The following CCDC85C variants were observed in gnomAD, a reference collection of about 807,000 sequenced individuals.
CCDC85C encodes coiled-coil domain-containing protein 85C.
A neutral mutation model predicts 38.3 loss-of-function variants in CCDC85C; 18 were observed. The observed-to-expected ratio is 0.47, with a 90% CI of 0.33 to 0.70. The LOEUF (loss-of-function observed/expected upper bound fraction) is 0.70, where lower values mean the gene tolerates loss of function less well. Ranked by LOEUF, CCDC85C falls within the 30% of genes least tolerant of loss-of-function variation. The pLI, the probability that CCDC85C is intolerant of heterozygous loss-of-function variation, is 0.03. For missense variants in CCDC85C, 566 were observed against 621.2 expected (o/e 0.91, Z 0.94); for synonymous variants, 264 against 293.8 (o/e 0.90, Z 1.04).
At chr14:99,594,418 C>G (rs915663520) in intron 1 of CCDC85C, among the ~76,000 whole-genome samples, 5 of 152,346 alleles carry the variant, frequency 3.3e-5, no homozygotes, top group Non-Finnish European at 2.9e-5. Context: ...CAGCCTCAAA[C>G]AGCGTTTAGA....
intron 2 of CCDC85C, among the ~76,000 whole-genome samples, chr14:99,523,616 G>T (rs1897331637): frequency 6.6e-6 from 1 of 152,226 alleles, no homozygotes; most frequent in Non-Finnish European, 1.5e-5. Context: ...GGGCAGCCGG[G>T]CACTGGAGGC....
intron 1 of CCDC85C, among the ~76,000 whole-genome samples, chr14:99,591,118 G>C (rs574458591): frequency 1.3e-5 from 2 of 152,350 alleles, no homozygotes; most frequent in African/African-American, 4.8e-5. Context: ...CTGGGAGGGA[G>C]GGGGTGCCTC....
Position 99,502,551 on chromosome 14 carries a change from GGTAAACTA to G in CCDC85C, c.*12687_*12694del. On this transcript the variant is annotated 3_prime_UTR_variant, in exon 6 of 6. Coordinates refer to ENST00000380243, the MANE Select transcript of CCDC85C (RefSeq NM_001144995.2). ...CCACTTTGTCCAAACACATACTTTT[GGTAAACTA>G]AAAATACACACCAGTGTTGCACACA... is the stretch of plus-strand genomic sequence containing the variant. 7.8e-7 allele frequency: 1 copy of G among 1,273,994 alleles called. No individual in the cohort carries two copies. Among genetic ancestry groups the G allele is most frequent in the Non-Finnish European group, 1.1e-6 (1 of 937,126 alleles). The allele number at this position is 1,273,994 out of a possible 1,614,324, so 78.9% of individuals were successfully genotyped here. A position where few individuals can be genotyped will look rare whatever the true frequency, so the allele number is the denominator to read the frequency against.
chr14:99,520,073 G>A lies in CCDC85C; in HGVS notation c.975+2060C>T, dbSNP rs1052703576. 1.3e-5 allele frequency among the ~76,000 whole-genome samples: 2 copies of A among 152,194 alleles called. No individual in the cohort carries two copies. The highest frequency in any genetic ancestry group is 3.8e-4 in the East Asian group (2 of 5,196). On this transcript the variant is annotated intron_variant, in intron 3 of 5. Transcript: ENST00000380243. This position sits in a 1 kb window ranked among gnomAD's most constrained non-coding sequence, Gnocchi z 4.1. Reference sequence around the variant, plus strand: ...CCTGCCCTGACAGCCAGTGGATGGAGGGTATGGGCAGCAGTGGGCAGGGAG... The same window carrying A: ...CCTGCCCTGACAGCCAGTGGATGGAAGGTATGGGCAGCAGTGGGCAGGGAG...
chr14:99,510,013 G>T lies in CCDC85C; in HGVS notation c.*5233C>A. The T allele has an allele frequency of 1.3e-6, 1 of 754,910 alleles. No homozygotes were observed. 46.8% of individuals were successfully genotyped at this position (754,910 alleles called of 1,614,324 possible). ...GACATCTGGTGGCATCAGGACATGG[G>T]GCATGGGCCCATGCGTTGGGCCACA... On this transcript the variant is annotated 3_prime_UTR_variant, in exon 6 of 6. Coordinates refer to ENST00000380243, the MANE Select transcript of CCDC85C (RefSeq NM_001144995.2).
Position 99,576,281 on chromosome 14 carries a change from C to T in CCDC85C, c.793+26886G>A, listed in dbSNP as rs1242231934. On this transcript the variant is annotated intron_variant, in intron 1 of 5. Coordinates refer to ENST00000380243, the MANE Select transcript of CCDC85C (RefSeq NM_001144995.2). This position sits in a 1 kb window ranked among gnomAD's most constrained non-coding sequence, Gnocchi z 4.8. The stretch of plus-strand genomic sequence containing the variant: ...GCCTCCCGAAGCCCACCCTCTGACC[C>T]CATCTAAAATCCAGGGCCAGGGCCC... Among the ~76,000 whole-genome samples, 2 of 152,228 alleles carry T rather than the reference C, an allele frequency of 1.3e-5. No homozygotes were observed. Among genetic ancestry groups the T allele is most frequent in the Non-Finnish European group, 2.9e-5 (2 of 68,038 alleles).
At position 99,544,630 on chromosome 14, in the gene CCDC85C, G is replaced by A. The variant is rs549407490; in HGVS notation, c.794-8542C>T. Among the ~76,000 whole-genome samples the A allele has an allele frequency of 3.3e-5, 5 of 152,194 alleles. No homozygotes were observed. Among genetic ancestry groups the A allele is most frequent in the South Asian group, 2.1e-4 (1 of 4,812 alleles). On this transcript the variant is annotated intron_variant, in intron 1 of 5. Transcript: ENST00000380243. The surrounding 1 kb of genome is among the most constrained non-coding windows in gnomAD (Gnocchi z 5.3). Reference sequence around the variant, plus strand: ...CTCTCCCAGAGCAGAAATTCTCTTCGTGACGCAAGGTGACTTTCAGGGCCC... The same window carrying A: ...CTCTCCCAGAGCAGAAATTCTCTTCATGACGCAAGGTGACTTTCAGGGCCC...
rs544443235 is a variant in CCDC85C, at chr14:99,576,928, T to A, written c.793+26239A>T. Among the ~76,000 whole-genome samples, 1 of 151,948 alleles carries A rather than the reference T, an allele frequency of 6.6e-6. No homozygotes were observed. The highest frequency in any genetic ancestry group is 2.4e-5 in the African/African-American group (1 of 41,376). ...CACAGCTCCTACCCACACCCACTGC[T>A]GAGCTCTCCCTCGCCCCCAGGCTGC... On this transcript the variant is annotated intron_variant, in intron 1 of 5. Coordinates refer to ENST00000380243, the MANE Select transcript of CCDC85C (RefSeq NM_001144995.2). The surrounding 1 kb of genome is among the most constrained non-coding windows in gnomAD (Gnocchi z 4.8).
chr14:99,507,255 A>G lies in CCDC85C; in HGVS notation c.*7991T>C. 2 of 772,250 alleles carry G rather than the reference A, an allele frequency of 2.6e-6. No homozygotes were observed. The highest frequency in any genetic ancestry group is 1.8e-5 in the Admixed American group (1 of 55,864). 47.8% of individuals were successfully genotyped at this position (772,250 alleles called of 1,614,324 possible). A position where few individuals can be genotyped will look rare whatever the true frequency, so the allele number is the denominator to read the frequency against. Reference sequence around the variant, plus strand: ...AGGGAGACTGGGGCCCAGATTGACAATGTCAGCCACAGGCAGGAATCTTTG... The same window carrying G: ...AGGGAGACTGGGGCCCAGATTGACAGTGTCAGCCACAGGCAGGAATCTTTG... On this transcript the variant is annotated 3_prime_UTR_variant, in exon 6 of 6. Transcript: ENST00000380243.
At chr14:99,518,152 C>A (rs986282554) in intron 3 of CCDC85C, among the ~76,000 whole-genome samples, 1 of 152,188 alleles carries the variant, frequency 6.6e-6, no homozygotes, top group Non-Finnish European at 1.5e-5. Flanking sequence ...CCACCCAGGC[C>A]TGCATCATGG....
intron 1 of CCDC85C, among the ~76,000 whole-genome samples, chr14:99,582,590 T>C (rs1480369070): frequency 1.3e-5 from 2 of 151,878 alleles, no homozygotes; most frequent in Admixed American, 1.3e-4. Flanking sequence ...CCAAGCCAGG[T>C]GGATCACCTG....
chr14:99,502,681 C>G lies in CCDC85C; in HGVS notation c.*12565G>C. 1 of 1,587,922 alleles carries G rather than the reference C, an allele frequency of 6.3e-7. No individual in the cohort carries two copies. On this transcript the variant is annotated 3_prime_UTR_variant, in exon 6 of 6. Coordinates refer to ENST00000380243, the MANE Select transcript of CCDC85C (RefSeq NM_001144995.2). The stretch of plus-strand genomic sequence containing the variant: ...TCCAGGTAAAATTTTATTTAAAATA[C>G]CAATTTGTGTAAAATGTAATTGTTG...
chr14:99,538,358 G>A (rs561625733), intron 1 of CCDC85C, among the ~76,000 whole-genome samples: 4 of 152,302 alleles, frequency 2.6e-5, no homozygotes, highest in South Asian at 2.1e-4. Flanking sequence ...GAAAGAAGAC[G>A]CCATTCCCAG....
chr14:99,542,006 G>A (rs1897722166), intron 1 of CCDC85C, among the ~76,000 whole-genome samples: 1 of 152,230 alleles, frequency 6.6e-6, no homozygotes, highest in African/African-American at 2.4e-5. Context: ...TGCAAGGTCT[G>A]GGGCCAGGCA....
In CCDC85C at chr14:99,510,039, G is replaced by A. The variant is rs1439018253; in HGVS notation, c.*5207C>T. ...GCATGGGCCCATGCGTTGGGCCACA[G>A]AGGAGGCGGGCAGCTGCTCCCTGCT... On this transcript the variant is annotated 3_prime_UTR_variant, in exon 6 of 6. Transcript: ENST00000380243. 3.9e-6 allele frequency: 4 copies of A among 1,014,672 alleles called. No individual in the cohort carries two copies. Among genetic ancestry groups the A allele is most frequent in the Non-Finnish European group, 5.6e-6 (4 of 709,630 alleles). The allele number at this position is 1,014,672 out of a possible 1,614,324, so 62.9% of individuals were successfully genotyped here. A position where few individuals can be genotyped will look rare whatever the true frequency, so the allele number is the denominator to read the frequency against.
chr14:99,572,375 G>A lies in CCDC85C; in HGVS notation c.793+30792C>T, dbSNP rs537127966. Among the ~76,000 whole-genome samples the A allele has an allele frequency of 1.5e-4, 23 of 152,278 alleles. No individual in the cohort carries two copies. In the East Asian group the frequency reaches 2.5e-3, roughly 17 times the overall value. ...GCCTTCCTCACGGGACACTGCGGGC[G>A]CTGCGGGCTAGTGTCTCAGCCTGCA... is the stretch of plus-strand genomic sequence containing the variant. On this transcript the variant is annotated intron_variant, in intron 1 of 5. Transcript: ENST00000380243. The surrounding 1 kb of genome is among the most constrained non-coding windows in gnomAD (Gnocchi z 4.4).
rs190161183 is a variant in CCDC85C, at chr14:99,543,123, T to C, written c.794-7035A>G. ...CAGTGGGGTGGTGAGTTCCCCATCA[T>C]AGGGGGAGAGAAAGCAGCGGCTGAA... On this transcript the variant is annotated intron_variant, in intron 1 of 5. Coordinates refer to ENST00000380243, the MANE Select transcript of CCDC85C (RefSeq NM_001144995.2). 3.9e-5 allele frequency among the ~76,000 whole-genome samples: 6 copies of C among 152,272 alleles called. No homozygotes were observed. In the East Asian group the frequency reaches 5.8e-4, roughly 15 times the overall value.
At chr14:99,573,017 C>A in intron 1 of CCDC85C, 1 of 357,234 alleles carries the variant, frequency 2.8e-6, no homozygotes, top group Non-Finnish European at 5.5e-6. Flanking sequence ...CAGGAGACGC[C>A]ACACATAAAG....
At chr14:99,555,812 C>T (rs1210087620) in intron 1 of CCDC85C, among the ~76,000 whole-genome samples, 2 of 152,206 alleles carry the variant, frequency 1.3e-5, no homozygotes, top group Non-Finnish European at 2.9e-5. Flanking sequence ...TTATTACTTA[C>T]AGAGATTTGT....
Sources: gnomAD v4.1 joint callset for allele counts (sites outside exome capture counted in the v4.1 genomes callset) on GRCh38, gnomAD v4.1.1 for gene constraint, Gnocchi (gnomAD v3.1) non-coding constraint, MANE v1.5 for transcripts, NCBI Gene and HGNC (gene_info 2026-07-23, HGNC 2026-07-21) for gene names.